CDKL5: variants seen among roughly 807,000 people sequenced by gnomAD.
The protein encoded by CDKL5 is cyclin dependent kinase like 5.
A neutral mutation model predicts 61.7 loss-of-function variants in CDKL5; 8 were observed. The observed-to-expected ratio is 0.13, with a 90% CI of 0.08 to 0.23. CDKL5 has a LOEUF of 0.23. Ranked by LOEUF, CDKL5 falls within the 10% of genes least tolerant of loss-of-function variation. CDKL5 has a pLI of 1.00. For synonymous variants in CDKL5, 275 were observed against 272.3 expected (o/e 1.01, Z -0.10); for missense variants, 440 against 734.5 (o/e 0.60, Z 4.63).
At chrX:18,612,137 G>T (rs1270630742) in intron 14 of CDKL5, among the ~76,000 whole-genome samples, 1 of 111,717 alleles carries the variant, frequency 9.0e-6, no homozygotes, top group Non-Finnish European at 1.9e-5. Flanking sequence ...AGAATTTAGA[G>T]AAAAATAATA....
chrX:18,454,987 C>T (rs1420188132), intron 1 of CDKL5, among the ~76,000 whole-genome samples: 1 of 106,874 alleles, frequency 9.4e-6, no homozygotes, highest in African/African-American at 3.4e-5. Flanking sequence ...CTGCCTCAGC[C>T]TCCCAAAGTG....
chrX:18,523,439 T>C (rs1171517536), intron 3 of CDKL5, among the ~76,000 whole-genome samples: 1 of 112,138 alleles, frequency 8.9e-6, no homozygotes. Context: ...TTCATTCATG[T>C]AGAGTATATC....
At chrX:18,543,249 C>T (rs1449454161) in intron 3 of CDKL5, among the ~76,000 whole-genome samples, 1 of 110,140 alleles carries the variant, frequency 9.1e-6, no homozygotes, top group African/African-American at 3.3e-5. Context: ...CAGTTGTTAG[C>T]CTACCCTTTT....
intron 3 of CDKL5, among the ~76,000 whole-genome samples, chrX:18,512,778 T>C (rs1922873126): frequency 9.0e-6 from 1 of 111,683 alleles, no homozygotes; most frequent in Admixed American, 9.6e-5. Flanking sequence ...TGCTAAATGC[T>C]ATACTTTTAA....
At chrX:18,556,535 G>C (rs190880724) in intron 3 of CDKL5, among the ~76,000 whole-genome samples, 95 of 111,459 alleles carry the variant, frequency 8.5e-4, no homozygotes, top group African/African-American at 3.1e-3. Flanking sequence ...ATGAGCATGA[G>C]ATCTCCTCAG....
chrX:18,503,719 G>A (rs1922468288), intron 1 of CDKL5, among the ~76,000 whole-genome samples: 1 of 111,758 alleles, frequency 8.9e-6, no homozygotes, highest in Admixed American at 9.5e-5. Context: ...TACTAAGCCA[G>A]CTATAACCCA....
chrX:18,455,259 T>A (rs1309194273), intron 1 of CDKL5, among the ~76,000 whole-genome samples: 2 of 112,329 alleles, frequency 1.8e-5, no homozygotes, highest in Non-Finnish European at 3.7e-5. Context: ...GCACATTTTT[T>A]AAGTGACTCA....
intron 2 of CDKL5, among the ~76,000 whole-genome samples, chrX:18,509,193 ACACG>A (rs1457367295): frequency 3.5e-5 from 2 of 57,613 alleles, no homozygotes; most frequent in East Asian, 1.2e-3. Flanking sequence ...CTGTCTCAAA[ACACG>A]CACACACACA....
intron 12 of CDKL5, among the ~76,000 whole-genome samples, chrX:18,607,737 C>G: frequency 1.8e-5 from 2 of 111,974 alleles, no homozygotes; most frequent in Middle Eastern, 4.6e-3. Context: ...AGCACAGAGA[C>G]TCTTACTGAG....
intron 1 of CDKL5, among the ~76,000 whole-genome samples, chrX:18,467,580 G>A (rs769863981): frequency 8.9e-6 from 1 of 111,788 alleles, no homozygotes; most frequent in Admixed American, 9.6e-5. Context: ...TTGCAGCTGA[G>A]GGATCAGAGT....
At chrX:18,570,593 G>C (rs754686812) in intron 4 of CDKL5, among the ~76,000 whole-genome samples, 1 of 111,384 alleles carries the variant, frequency 9.0e-6, no homozygotes, top group Admixed American at 9.6e-5. Flanking sequence ...CTGTGTAAAG[G>C]TCCATTTGGG....
At chrX:18,544,225 CT>C (rs1403604313) in intron 3 of CDKL5, among the ~76,000 whole-genome samples, 2 of 111,739 alleles carry the variant, frequency 1.8e-5, no homozygotes, top group Non-Finnish European at 1.9e-5. Flanking sequence ...TGAGTCTGGG[CT>C]TTATAATCAT....
Position 18,632,676 on chromosome X carries a change from C to G in CDKL5, c.*3919C>G, listed in dbSNP as rs1475162611. The G allele has an allele frequency of 9.3e-6, 7 of 752,056 alleles. No individual in the cohort carries two copies. The highest frequency in any genetic ancestry group is 2.3e-5 in the African/African-American group (1 of 43,224). 62.0% of individuals were successfully genotyped at this position (752,056 alleles called of 1,213,427 possible). On this transcript the variant is annotated 3_prime_UTR_variant, in exon 18 of 18. Coordinates refer to ENST00000623535, the MANE Select transcript of CDKL5 (RefSeq NM_001323289.2). Reference sequence around the variant, plus strand: ...TACGCAGTTGTACTTTAATTCTAAGCTCAGAGCTATGCTGTCAGTCTCTAG... The same window carrying G: ...TACGCAGTTGTACTTTAATTCTAAGGTCAGAGCTATGCTGTCAGTCTCTAG...
In CDKL5 at chrX:18,650,012, TGA is replaced by T; in HGVS notation, c.2798-392_2798-391del. On this transcript the variant is annotated intron_variant, in intron 20 of 21. Coordinates refer to the CDKL5 transcript ENST00000379989. ...CCGCCCCGCTCAGGGCTACTAGCTC[TGA>T]GAGAGTAGGCAGAGGGGAAGGGAAA... 2.0e-5 allele frequency: 5 copies of T among 253,644 alleles called. No individual in the cohort carries two copies. The South Asian group carries it at 2.2e-4, about 11-fold the overall frequency. 20.9% of individuals were successfully genotyped at this position (253,644 alleles called of 1,213,427 possible). A position where few individuals can be genotyped will look rare whatever the true frequency, so the allele number is the denominator to read the frequency against.
At chrX:18,559,957 A>G (rs1461629596) in intron 3 of CDKL5, among the ~76,000 whole-genome samples, 1 of 109,621 alleles carries the variant, frequency 9.1e-6, no homozygotes, top group African/African-American at 3.3e-5. Flanking sequence ...TACAAAGGAC[A>G]TGAACTCATC....
intron 3 of CDKL5, among the ~76,000 whole-genome samples, chrX:18,533,894 T>C (rs1167201651): frequency 8.9e-6 from 1 of 111,816 alleles, no homozygotes; most frequent in Non-Finnish European, 1.9e-5. Context: ...CTCTGTAGGT[T>C]CCTCAGTCTG....
At chrX:18,500,364 T>C (rs1224135360) in intron 1 of CDKL5, among the ~76,000 whole-genome samples, 1 of 111,910 alleles carries the variant, frequency 8.9e-6, no homozygotes, top group East Asian at 2.8e-4. Context: ...AACTTTCTCA[T>C]TTTGAGACAC....
intron 4 of CDKL5, among the ~76,000 whole-genome samples, chrX:18,568,133 T>G (rs556497648): frequency 1.1e-3 from 122 of 112,474 alleles, no homozygotes; most frequent in Middle Eastern, 4.6e-3. Context: ...CATGCCATTA[T>G]AAAGTCAAAA....
In CDKL5 at chrX:18,578,600, G is replaced by A. The variant is rs771632791; in HGVS notation, c.283-1248G>A. ...AGTTCATTTTAAAATAACAATAAAC[G>A]TATTGCATGTTAACATAGATAAGTT... On this transcript the variant is annotated intron_variant, in intron 5 of 17. Transcript: ENST00000623535. Among the ~76,000 whole-genome samples the A allele has an allele frequency of 1.4e-3, 155 of 112,281 alleles. 1 individual carries two copies. The highest frequency in any genetic ancestry group is 4.8e-3 in the African/African-American group (150 of 30,992).
Sources: allele counts gnomAD v4.1 joint callset (sites outside exome capture counted in the v4.1 genomes callset), GRCh38; gene constraint gnomAD v4.1.1; transcripts MANE v1.5; gene names NCBI Gene and HGNC (gene_info 2026-07-23, HGNC 2026-07-21).